The following OTUD4 variants were observed in gnomAD, a reference collection of about 807,000 sequenced individuals.
OTUD4 encodes OTU domain-containing protein 4.
In OTUD4, 24 loss-of-function variants were observed where a neutral mutation model predicts 130.4. The observed-to-expected ratio is 0.18, with a 90% CI of 0.13 to 0.26. The LOEUF is 0.26. Ranked by LOEUF, OTUD4 falls within the 10% of genes least tolerant of loss-of-function variation. OTUD4 has a pLI of 1.00. For synonymous variants in OTUD4, 420 were observed against 472.5 expected (o/e 0.89, Z 1.44); for missense variants, 1,031 against 1,329.4 (o/e 0.78, Z 3.49).
chr4:145,173,945 T>C (rs1050533480), intron 2 of OTUD4, among the ~76,000 whole-genome samples: 21 of 152,158 alleles, frequency 1.4e-4, no homozygotes. Context: ...GAATGCCTTC[T>C]GATAAAATTA....
intron 4 of OTUD4, among the ~76,000 whole-genome samples, chr4:145,164,613 C>G (rs1751754439): frequency 6.6e-6 from 1 of 151,992 alleles, no homozygotes; most frequent in Admixed American, 6.6e-5. Context: ...AGCCAAAATC[C>G]CAAATGTTCC....
At chr4:145,175,055 T>G (rs971863280) in intron 1 of OTUD4, among the ~76,000 whole-genome samples, 3 of 152,258 alleles carry the variant, frequency 2.0e-5, no homozygotes, top group Non-Finnish European at 4.4e-5. Flanking sequence ...ACAATAACTT[T>G]ACTCTTCACA....
At chr4:145,165,057 T>C in intron 4 of OTUD4, 94 bp downstream of exon 4, 2 of 668,474 alleles carry the variant, frequency 3.0e-6, no homozygotes, top group Non-Finnish European at 5.0e-6. Context: ...AACTAAAGTA[T>C]AAAAGAGCTT....
chr4:145,141,810 T>TACA (rs1362437481), intron 18 of OTUD4, among the ~76,000 whole-genome samples, 171 bp from the exon 19 acceptor site: 1 of 152,124 alleles, frequency 6.6e-6, no homozygotes, highest in African/African-American at 2.4e-5. Context: ...ACGTCCAGGA[T>TACA]ACAAGCTCTG....
intron 1 of OTUD4, 92 bp from the exon 2 acceptor site, chr4:145,174,836 C>A (rs1218357616): frequency 2.8e-6 from 2 of 702,768 alleles, no homozygotes; most frequent in South Asian, 1.5e-5. Context: ...ATCTGACAAC[C>A]AATAGATTAT....
chr4:145,163,408 G>C (rs1285830977), intron 5 of OTUD4, among the ~76,000 whole-genome samples: 1 of 152,042 alleles, frequency 6.6e-6, no homozygotes, highest in African/African-American at 2.4e-5. Flanking sequence ...TTTTTCAGTT[G>C]CTTCTGCTTT....
At chr4:145,173,151 G>C (rs1295488519) in intron 2 of OTUD4, among the ~76,000 whole-genome samples, 4 of 152,172 alleles carry the variant, frequency 2.6e-5, no homozygotes, top group Admixed American at 2.6e-4. Flanking sequence ...CAGCACTTTG[G>C]GAGGCCGGGG....
Position 145,135,952 on chromosome 4 carries a change from T to C in OTUD4, c.*1478A>G, listed in dbSNP as rs1460098905. The C allele has an allele frequency of 2.0e-5, 3 of 152,672 alleles. No individual in the cohort carries two copies. Among genetic ancestry groups the C allele is most frequent in the Admixed American group, 6.5e-5 (1 of 15,284 alleles). The allele number at this position is 152,672 out of a possible 1,614,324, so 9.5% of individuals were successfully genotyped here. On this transcript the variant is annotated 3_prime_UTR_variant, in exon 21 of 21. Transcript: ENST00000447906. The stretch of plus-strand genomic sequence containing the variant: ...CAGTTTGTCAAATTCAAGTGAATTG[T>C]ATTTTCTTAAGTAATTTGCTTTACA...
At chr4:145,140,066 T>C (rs1462154864) in intron 19 of OTUD4, 75 bp from the exon 20 acceptor site, 13 of 507,736 alleles carry the variant, frequency 2.6e-5, no homozygotes, top group African/African-American at 1.4e-4. Flanking sequence ...ATTAAATATA[T>C]AGTTCTAAAG....
At chr4:145,150,408 T>A in intron 13 of OTUD4, 105 bp downstream of exon 13, 1 of 714,936 alleles carries the variant, frequency 1.4e-6, no homozygotes, top group Non-Finnish European at 2.4e-6. Flanking sequence ...ATAGGGACAA[T>A]GATATGAGTA....
intron 13 of OTUD4, 144 bp from the exon 14 acceptor site, chr4:145,146,573 C>G (rs1750839307): frequency 2.0e-6 from 1 of 490,504 alleles, no homozygotes; most frequent in Admixed American, 4.2e-5. Context: ...AAACATTTTA[C>G]TAATTTAGCT....
At chr4:145,173,397 A>G (rs1282233129) in intron 2 of OTUD4, among the ~76,000 whole-genome samples, 1 of 152,160 alleles carries the variant, frequency 6.6e-6, no homozygotes, top group Admixed American at 6.5e-5. Context: ...CTGTCTCAAA[A>G]AAAAAAAATT....
At chr4:145,166,456 T>C (rs1467375739) in intron 3 of OTUD4, among the ~76,000 whole-genome samples, 1 of 151,500 alleles carries the variant, frequency 6.6e-6, no homozygotes, top group East Asian at 1.9e-4. Flanking sequence ...TCTACAAAAG[T>C]GTATGTAAAA....
intron 18 of OTUD4, 122 bp from the exon 19 acceptor site, chr4:145,141,761 G>T: frequency 1.2e-6 from 1 of 831,680 alleles, no homozygotes; most frequent in Non-Finnish European, 1.8e-6. Flanking sequence ...GTACCTTTTA[G>T]TATCAACCAA....
Position 145,133,737 on chromosome 4 carries a change from TCA to T in OTUD4, c.*3691_*3692del, listed in dbSNP as rs1362431635. On this transcript the variant is annotated 3_prime_UTR_variant, in exon 21 of 21. Transcript: ENST00000447906. ...GGGCATTTACTCTTATTTTATACATTCAGATATGTTTGAAACACTTCTTAAGG... is the reference window on the plus strand; with the variant it reads ...GGGCATTTACTCTTATTTTATACATTGATATGTTTGAAACACTTCTTAAGG... 6.6e-6 allele frequency: 1 copy of T among 152,556 alleles called. No homozygotes were observed. The highest frequency in any genetic ancestry group is 1.5e-5 in the Non-Finnish European group (1 of 67,994). 9.5% of individuals were successfully genotyped at this position (152,556 alleles called of 1,614,324 possible). A position where few individuals can be genotyped will look rare whatever the true frequency, so the allele number is the denominator to read the frequency against.
At chr4:145,161,726 G>C (rs1055983235) in intron 6 of OTUD4, among the ~76,000 whole-genome samples, 2 of 152,180 alleles carry the variant, frequency 1.3e-5, no homozygotes, top group Non-Finnish European at 2.9e-5. Context: ...GTTCACAAGA[G>C]AGCCTACAAC....
intron 10 of OTUD4, among the ~76,000 whole-genome samples, chr4:145,153,416 A>T (rs1751152491): frequency 6.6e-6 from 1 of 152,234 alleles, no homozygotes; most frequent in Admixed American, 6.5e-5. Flanking sequence ...AGCTAATAAT[A>T]GTACCTACGT....
At chr4:145,164,654 ACACT>A (rs1385166074) in intron 4 of OTUD4, among the ~76,000 whole-genome samples, 1 of 152,196 alleles carries the variant, frequency 6.6e-6, no homozygotes, top group African/African-American at 2.4e-5. Flanking sequence ...CACCAACATG[ACACT>A]CAAAGGAAAT....
intron 14 of OTUD4, among the ~76,000 whole-genome samples, chr4:145,144,829 T>A (rs962220828): frequency 6.6e-6 from 1 of 152,160 alleles, no homozygotes; most frequent in African/African-American, 2.4e-5. Context: ...AGAACCTAAG[T>A]GCAAATTAGC....
Sources: gnomAD v4.1 joint callset for allele counts (sites outside exome capture counted in the v4.1 genomes callset) on GRCh38, gnomAD v4.1.1 for gene constraint, MANE v1.5 for transcripts, NCBI Gene and HGNC (gene_info 2026-07-23, HGNC 2026-07-21) for gene names.